Variants in VPS13B observed in about 807,000 individuals in gnomAD.
VPS13B encodes vacuolar protein sorting 13 homolog B.
Under a neutral mutation model 426.4 loss-of-function variants are expected in VPS13B, and 285 were observed. The observed-to-expected ratio is 0.67, with a 90% CI of 0.61 to 0.74. The LOEUF (loss-of-function observed/expected upper bound fraction) is 0.74, where lower values mean the gene tolerates loss of function less well. Among genes scored for constraint, VPS13B ranks in the 30% least tolerant of loss-of-function variants. The pLI, the probability that VPS13B is intolerant of heterozygous loss-of-function variation, is 0.00. For missense variants in VPS13B, 4,537 were observed against 4,782.6 expected (o/e 0.95, Z 1.51); for synonymous variants, 1,676 against 1,676.4 (o/e 1.00, Z 0.01).
chr8:99,674,419 G>T (rs997186787), intron 35 of VPS13B, among the ~76,000 whole-genome samples: 1 of 151,966 alleles, frequency 6.6e-6, no homozygotes, highest in Non-Finnish European at 1.5e-5. Context: ...GTTTCCATTT[G>T]CATGGAATAT....
chr8:99,398,325 ATGAGAAGT>A (rs1814849168), intron 21 of VPS13B, among the ~76,000 whole-genome samples: 1 of 152,222 alleles, frequency 6.6e-6, no homozygotes, highest in African/African-American at 2.4e-5. Context: ...AAGCATGATT[ATGAGAAGT>A]AGGCAACAAA....
At chr8:99,348,155 A>G (rs1257166201) in intron 19 of VPS13B, 1 of 152,150 alleles carries the variant, frequency 6.6e-6, no homozygotes, top group Non-Finnish European at 1.5e-5. Flanking sequence ...AACACTGTTA[A>G]TTTTCTTTTC....
chr8:99,113,655 C>G (rs1847493470), intron 6 of VPS13B, among the ~76,000 whole-genome samples: 1 of 152,234 alleles, frequency 6.6e-6, no homozygotes, highest in Admixed American at 6.5e-5. Context: ...ACCTCTGCCT[C>G]CCGGGTTCAA....
At chr8:99,754,543 T>G (rs1381355135) in intron 39 of VPS13B, among the ~76,000 whole-genome samples, 1 of 152,204 alleles carries the variant, frequency 6.6e-6, no homozygotes, top group Non-Finnish European at 1.5e-5. Flanking sequence ...TGCTGTCCAT[T>G]TATCCCTATC....
intron 33 of VPS13B, among the ~76,000 whole-genome samples, chr8:99,605,090 G>T (rs1459011825): frequency 6.6e-6 from 1 of 152,168 alleles, no homozygotes; most frequent in African/African-American, 2.4e-5. Flanking sequence ...TGCAATATGT[G>T]AGATTTGCAC....
At position 99,876,857 on chromosome 8, in the gene VPS13B, TTA is replaced by T. The variant is rs1013318669; in HGVS notation, c.*1193_*1194del. 1 of 151,854 alleles carries T rather than the reference TTA, an allele frequency of 6.6e-6. No individual in the cohort carries two copies. The highest frequency in any genetic ancestry group is 2.4e-5 in the African/African-American group (1 of 41,154). 9.4% of individuals were successfully genotyped at this position (151,854 alleles called of 1,614,324 possible). A position where few individuals can be genotyped will look rare whatever the true frequency, so the allele number is the denominator to read the frequency against. ...ATGCAATTTTAAATGCCCACTGGTT[TTA>T]TTTGTTTTGGAGAGAGGGTCTCATT... On this transcript the variant is annotated 3_prime_UTR_variant, in exon 62 of 62. Coordinates refer to ENST00000357162, the MANE Select transcript of VPS13B (RefSeq NM_152564.5).
rs560490673 is a variant in VPS13B at position 99,848,790 on chromosome 8, T to C, written c.9957T>C (p.Thr3319=). The C allele has an allele frequency of 3.7e-6, 6 of 1,614,122 alleles. No individual in the cohort carries two copies. In the African/African-American group the frequency reaches 6.7e-5, roughly 18 times the overall value. Residue 3319 remains threonine (T), a synonymous_variant, in exon 55 of 62, where the codon ACT becomes ACC. Transcript: ENST00000357162. ...TCTTTCTGCAGGTTGTGTTCCTGAC[T>C]GGCTTTGGCTATGTGTATGTGGATG... ...NSQGTQVVFL[T]GFGYVYVDVV...
chr8:99,493,939 G>C (rs1263416103), intron 25 of VPS13B, among the ~76,000 whole-genome samples: 2 of 151,854 alleles, frequency 1.3e-5, no homozygotes, highest in Admixed American at 1.3e-4. Flanking sequence ...ATATAGCTTT[G>C]TTCCTAGAAA....
chr8:99,657,009 T>A (rs1333556739), intron 34 of VPS13B, among the ~76,000 whole-genome samples: 1 of 152,214 alleles, frequency 6.6e-6, no homozygotes, highest in Admixed American at 6.5e-5. Flanking sequence ...CCCGTTATAT[T>A]AATATTTTGT....
At chr8:99,412,661 G>A (rs931055566) in intron 21 of VPS13B, among the ~76,000 whole-genome samples, 1 of 152,122 alleles carries the variant, frequency 6.6e-6, no homozygotes, top group Admixed American at 6.5e-5. Flanking sequence ...TTTTCAAAGG[G>A]AATGCTTCCA....
intron 35 of VPS13B, among the ~76,000 whole-genome samples, chr8:99,668,773 A>G (rs1454219927): frequency 6.6e-6 from 1 of 152,190 alleles, no homozygotes; most frequent in Non-Finnish European, 1.5e-5. Flanking sequence ...AGCAGGTGAT[A>G]GATTAGTTGG....
At chr8:99,126,450 G>A (rs972528607) in intron 8 of VPS13B, among the ~76,000 whole-genome samples, 3 of 152,110 alleles carry the variant, frequency 2.0e-5, no homozygotes, top group Non-Finnish European at 2.9e-5. Flanking sequence ...GTCATATTCT[G>A]CTGCTTTAGT....
At chr8:99,409,912 C>T in intron 21 of VPS13B, among the ~76,000 whole-genome samples, 1 of 152,124 alleles carries the variant, frequency 6.6e-6, no homozygotes. Flanking sequence ...ATTTTCACTT[C>T]ATAACTCAGG....
At position 99,776,955 on chromosome 8, in the gene VPS13B, A is replaced by G; in HGVS notation, c.7428A>G (p.Thr2476=). ...GTCATCACCTTGACCAACTAGGCAC[A>G]GGTACTCTTTTTTTTAGCATCAGAA... ...HLCHHLDQLG[T]AAPQYLQPFV... Residue 2476 remains threonine, a splice_region_variant and synonymous_variant, in exon 41 of 62, where the codon ACA becomes ACG. Transcript: ENST00000357162. 6.2e-7 allele frequency: 1 copy of G among 1,613,872 alleles called. No homozygotes were observed. The highest frequency in any genetic ancestry group is 8.5e-7 in the Non-Finnish European group (1 of 1,179,780).
At chr8:99,267,030 G>C (rs910785109) in intron 17 of VPS13B, among the ~76,000 whole-genome samples, 2 of 152,148 alleles carry the variant, frequency 1.3e-5, no homozygotes, top group Non-Finnish European at 2.9e-5. Context: ...GATTGGAAAA[G>C]TTTAGAGGAC....
At chr8:99,864,392 A>G (rs1406836126) in intron 58 of VPS13B, among the ~76,000 whole-genome samples, 1 of 152,082 alleles carries the variant, frequency 6.6e-6, no homozygotes, top group African/African-American at 2.4e-5. Context: ...CTACAAAAAT[A>G]AAATGAAATA....
intron 35 of VPS13B, among the ~76,000 whole-genome samples, chr8:99,675,988 T>C (rs1830917322): frequency 1.3e-5 from 2 of 152,122 alleles, no homozygotes; most frequent in South Asian, 4.1e-4. Context: ...TTTGGTGATG[T>C]CATGTTTCTA....
intron 40 of VPS13B, among the ~76,000 whole-genome samples, chr8:99,773,730 T>C (rs952381186): frequency 1.3e-5 from 2 of 152,210 alleles, no homozygotes; most frequent in Non-Finnish European, 2.9e-5. Context: ...CCAGGAACTA[T>C]TTTCCAGTTA....
chr8:99,840,992 C>T lies in VPS13B; in HGVS notation c.9942+5254C>T, dbSNP rs1815654997. Among the ~76,000 whole-genome samples the T allele has an allele frequency of 2.0e-5, 3 of 152,330 alleles. No individual in the cohort carries two copies. In the South Asian group the frequency reaches 6.2e-4, roughly 32 times the overall value. On this transcript the variant is annotated intron_variant, in intron 54 of 61. Transcript: ENST00000357162. ...CAAGTTGGCACTGACTTCTGAATGT[C>T]TGCTAGGTACCCTGGTCTAGAGTCT...
Sources: allele counts gnomAD v4.1 joint callset (sites outside exome capture counted in the v4.1 genomes callset), GRCh38; gene constraint gnomAD v4.1.1; transcripts MANE v1.5; gene names NCBI Gene and HGNC (gene_info 2026-07-23, HGNC 2026-07-21).